Variants in IQGAP2 observed in about 807,000 individuals in gnomAD.
IQGAP2 encodes the protein IQ motif containing GTPase activating protein 2.
IQGAP2 carries 173 observed loss-of-function variants against 201.3 expected under a neutral mutation model. The ratio of observed to expected loss-of-function variants is 0.86; its 90% CI spans 0.76 to 0.98. The LOEUF (loss-of-function observed/expected upper bound fraction) is 0.98, where lower values mean the gene tolerates loss of function less well. Ranked by LOEUF, IQGAP2 falls within the 50% of genes least tolerant of loss-of-function variation. The pLI is 0.00. For synonymous variants in IQGAP2, 675 were observed against 673.9 expected (o/e 1.00, Z -0.03); for missense variants, 1,687 against 1,864.8 (o/e 0.90, Z 1.76).
At chr5:76,649,441 A>C (rs1752338747) in intron 17 of IQGAP2, among the ~76,000 whole-genome samples, 1 of 152,260 alleles carries the variant, frequency 6.6e-6, no homozygotes, top group Non-Finnish European at 1.5e-5. Context: ...TCTCTAAACC[A>C]AAAGGAAATG....
intron 2 of IQGAP2, among the ~76,000 whole-genome samples, chr5:76,552,108 T>G (rs1743597872): frequency 6.6e-6 from 1 of 152,186 alleles, no homozygotes; most frequent in Non-Finnish European, 1.5e-5. Flanking sequence ...ATTCTTCCTT[T>G]TTCTTGAAGG....
chr5:76,674,451 G>T, intron 26 of IQGAP2, 26 bp from the exon 27 acceptor site: 1 of 1,359,848 alleles, frequency 7.4e-7, no homozygotes, highest in Non-Finnish European at 1.0e-6. Context: ...TCTTAAAAAT[G>T]GTCATGCACT....
intron 30 of IQGAP2, among the ~76,000 whole-genome samples, chr5:76,689,230 T>TTAAAAAAAAAAAAAA (rs566505116): frequency 2.3e-5 from 2 of 86,492 alleles, no homozygotes; most frequent in Admixed American, 1.5e-4. Flanking sequence ...CAGGGATATT[T>TTAAAAAAAAAAAAAA]AAAAAAAAAA....
chr5:76,521,488 A>G (rs1345870201), intron 2 of IQGAP2, among the ~76,000 whole-genome samples: 1 of 152,240 alleles, frequency 6.6e-6, no homozygotes, highest in Non-Finnish European at 1.5e-5. Flanking sequence ...TGAGTCATAA[A>G]TTCTGTCTTT....
Position 76,632,011 on chromosome 5 carries a change from C to T in IQGAP2, c.1765C>T (p.Leu589Phe), listed in dbSNP as rs748926760. ...YYDALVKAKE[L>F]KSERVSSDGS... The stretch of plus-strand genomic sequence containing the variant: ...TGATGCCCTTGTGAAGGCAAAAGAG[C>T]TCAAATCTGAAAGAGGTAAGTTGGT... Residue 589 changes from leucine to phenylalanine, a missense_variant, in exon 15 of 36, where the codon CTC (leucine) becomes TTC (phenylalanine). Coordinates refer to ENST00000274364, the MANE Select transcript of IQGAP2 (RefSeq NM_006633.5). 3.7e-6 allele frequency: 6 copies of T among 1,604,918 alleles called. No individual in the cohort carries two copies. Among genetic ancestry groups the T allele is most frequent in the Non-Finnish European group, 5.1e-6 (6 of 1,176,618 alleles).
At chr5:76,651,913 A>T (rs1752547548) in intron 17 of IQGAP2, among the ~76,000 whole-genome samples, 2 of 152,178 alleles carry the variant, frequency 1.3e-5, no homozygotes, top group Non-Finnish European at 2.9e-5. Context: ...AATGAGGTAA[A>T]TATATACAGA....
intron 11 of IQGAP2, among the ~76,000 whole-genome samples, 164 bp from the exon 12 acceptor site, chr5:76,606,015 G>A (rs938572584): frequency 2.6e-5 from 4 of 152,170 alleles, no homozygotes; most frequent in Admixed American, 1.3e-4. Context: ...GTACAAGTAA[G>A]CCTGGTATAT....
chr5:76,474,009 C>A (rs1011417337), intron 2 of IQGAP2, among the ~76,000 whole-genome samples: 4 of 152,144 alleles, frequency 2.6e-5, no homozygotes, highest in Admixed American at 2.6e-4. Flanking sequence ...AGAATGATTT[C>A]TTTGTGTCTT....
chr5:76,426,931 T>TGTGTGTGTGTGTGTGTGTGTGA (rs1437229439), intron 1 of IQGAP2, among the ~76,000 whole-genome samples: 1 of 151,824 alleles, frequency 6.6e-6, no homozygotes, highest in East Asian at 1.9e-4. Flanking sequence ...TGTGTGTGTG[T>TGTGTGTGTGTGTGTGTGTGTGA]GTGTGAGTGT....
chr5:76,564,850 G>A (rs1166706241), intron 3 of IQGAP2, among the ~76,000 whole-genome samples: 1 of 152,228 alleles, frequency 6.6e-6, no homozygotes, highest in Non-Finnish European at 1.5e-5. Context: ...CAGGAAGGAG[G>A]GAGGTGCAGC....
chr5:76,564,625 C>T (rs1455389540), intron 3 of IQGAP2, among the ~76,000 whole-genome samples: 1 of 152,242 alleles, frequency 6.6e-6, no homozygotes, highest in African/African-American at 2.4e-5. Context: ...CTCCTGGCAT[C>T]AGATATCCTA....
chr5:76,541,608 T>C (rs191783120), intron 2 of IQGAP2, among the ~76,000 whole-genome samples: 73 of 152,334 alleles, frequency 4.8e-4, no homozygotes, highest in Non-Finnish European at 8.1e-4. Flanking sequence ...ACCAAACTGT[T>C]TTCCACAGTG....
At chr5:76,617,480 T>C (rs2069685) in intron 13 of IQGAP2, 332,148 of 840,636 alleles carry the variant, frequency 0.4, 67,874 homozygotes, top group South Asian at 0.5. Flanking sequence ...TGAAGCATAT[T>C]TCTTAGGAGC....
chr5:76,590,857 C>T (rs986215488), intron 8 of IQGAP2, among the ~76,000 whole-genome samples: 3 of 152,026 alleles, frequency 2.0e-5, no homozygotes, highest in Non-Finnish European at 4.4e-5. Context: ...GAGGCTGCAG[C>T]GGGAGGGTCC....
intron 1 of IQGAP2, among the ~76,000 whole-genome samples, chr5:76,447,734 C>A (rs140028309): frequency 6.6e-6 from 1 of 152,146 alleles, no homozygotes; most frequent in Admixed American, 6.5e-5. Flanking sequence ...GGTATGCAGA[C>A]CTATGCAGCC....
At chr5:76,426,935 T>TGTGTGTGTGA (rs894766853) in intron 1 of IQGAP2, among the ~76,000 whole-genome samples, 2 of 151,512 alleles carry the variant, frequency 1.3e-5, no homozygotes, top group African/African-American at 2.4e-5. Context: ...TGTGTGTGTG[T>TGTGTGTGTGA]GAGTGTGTGC....
At chr5:76,527,303 G>C (rs1443437588) in intron 2 of IQGAP2, among the ~76,000 whole-genome samples, 6 of 152,212 alleles carry the variant, frequency 3.9e-5, no homozygotes, top group African/African-American at 7.2e-5. Context: ...GCACTTGCTA[G>C]TCTCAGAGGT....
chr5:76,429,076 CA>C (rs58775525), intron 1 of IQGAP2, among the ~76,000 whole-genome samples: 54 of 138,416 alleles, frequency 3.9e-4, no homozygotes, highest in African/African-American at 8.1e-4. Context: ...GACTCTGTCT[CA>C]AAAAAAAAAA....
intron 14 of IQGAP2, chr5:76,628,819 C>A (rs1750465271): frequency 2.4e-6 from 1 of 412,956 alleles, no homozygotes; most frequent in Non-Finnish European, 4.8e-6. Flanking sequence ...TTCTAGCACG[C>A]CTTAAGAAAA....
Sources: allele counts gnomAD v4.1 joint callset (sites outside exome capture counted in the v4.1 genomes callset), GRCh38; gene constraint gnomAD v4.1.1; transcripts MANE v1.5; gene names NCBI Gene and HGNC (gene_info 2026-07-23, HGNC 2026-07-21).